The following MED12L variants were observed in gnomAD, a reference collection of about 807,000 sequenced individuals.
MED12L encodes mediator complex subunit 12L.
MED12L carries 60 observed loss-of-function variants against 281.3 expected under a neutral mutation model. The observed-to-expected ratio is 0.21, with a 90% CI of 0.17 to 0.26. The LOEUF (loss-of-function observed/expected upper bound fraction) is 0.26, where lower values mean the gene tolerates loss of function less well. MED12L is among the 10% of genes least tolerant of loss of function. MED12L has a pLI of 1.00. For missense variants in MED12L, 2,146 were observed against 2,680.9 expected (o/e 0.80, Z 4.41); for synonymous variants, 974 against 987.2 (o/e 0.99, Z 0.25).
chr3:151,194,342 CAGTA>C (rs1251717568), intron 16 of MED12L, among the ~76,000 whole-genome samples: 4 of 152,060 alleles, frequency 2.6e-5, no homozygotes, highest in African/African-American at 9.7e-5. Flanking sequence ...TACTTCTAGT[CAGTA>C]AGAGTTTTGA....
At chr3:151,422,110 A>T (rs994715607) in intron 43 of MED12L, among the ~76,000 whole-genome samples, 1 of 152,082 alleles carries the variant, frequency 6.6e-6, no homozygotes, top group Non-Finnish European at 1.5e-5. Flanking sequence ...ACCCTGCCAG[A>T]TGTTATAGAG....
At chr3:151,162,303 G>A (rs1195838889) in intron 8 of MED12L, among the ~76,000 whole-genome samples, 8 of 152,202 alleles carry the variant, frequency 5.3e-5, no homozygotes, top group Non-Finnish European at 1.0e-4. Flanking sequence ...AGTGGAAAGA[G>A]ATGGATTGGT....
intron 16 of MED12L, among the ~76,000 whole-genome samples, chr3:151,228,853 A>G (rs1313157778): frequency 1.3e-5 from 2 of 152,126 alleles, no homozygotes; most frequent in East Asian, 3.8e-4. Flanking sequence ...CTTCTGCAGC[A>G]TTGTTTTGGA....
At chr3:151,153,108 G>C (rs1222256824) in intron 5 of MED12L, among the ~76,000 whole-genome samples, 1 of 152,182 alleles carries the variant, frequency 6.6e-6, no homozygotes, top group Non-Finnish European at 1.5e-5. Flanking sequence ...AGCACTCAGT[G>C]TACTACTGTT....
At chr3:151,307,030 A>G (rs1331650237) in intron 16 of MED12L, among the ~76,000 whole-genome samples, 1 of 152,218 alleles carries the variant, frequency 6.6e-6, no homozygotes, top group Non-Finnish European at 1.5e-5. Flanking sequence ...CTGATTGATT[A>G]TATAGAGATA....
chr3:151,423,507 C>T (rs988741047), intron 43 of MED12L, among the ~76,000 whole-genome samples: 2 of 152,116 alleles, frequency 1.3e-5, no homozygotes, highest in African/African-American at 2.4e-5. Flanking sequence ...ATATCAATGC[C>T]TGTGTTGCCA....
At chr3:151,382,426 A>G (rs1336767206) in intron 32 of MED12L, among the ~76,000 whole-genome samples, 1 of 152,204 alleles carries the variant, frequency 6.6e-6, no homozygotes, top group African/African-American at 2.4e-5. Flanking sequence ...ATCATAGGCT[A>G]GCTATATAAT....
intron 16 of MED12L, among the ~76,000 whole-genome samples, chr3:151,274,019 T>A (rs1243612022): frequency 6.6e-6 from 1 of 152,180 alleles, no homozygotes; most frequent in Non-Finnish European, 1.5e-5. Flanking sequence ...ATTTTAAAGT[T>A]CTCACACTAC....
At position 151,368,197 on chromosome 3, in the gene MED12L, C is replaced by G; in HGVS notation, c.3496C>G (p.Leu1166Val). The change falls in exon 25 of 45, where the codon CTC becomes GTC. Residue 1166 changes from leucine (L) to valine (V), a missense_variant. Around this residue, in one of 9 missense-constraint regions of MED12L, gnomAD observed 404 missense variants for 603.5 expected, o/e 0.67. Transcript: ENST00000687756. ...AEPGARMTCR[L>V]LLHLFRAPQA... Reference sequence around the variant, plus strand: ...GCCTGGGGCGAGAATGACATGCCGACTCTTGCTTCATCTCTTCCGAGCTCC... The same window carrying G: ...GCCTGGGGCGAGAATGACATGCCGAGTCTTGCTTCATCTCTTCCGAGCTCC... 1 of 1,614,124 alleles carries G rather than the reference C, an allele frequency of 6.2e-7. No homozygotes were observed. The highest frequency in any genetic ancestry group is 8.5e-7 in the Non-Finnish European group (1 of 1,179,996).
chr3:151,291,760 G>A (rs926612805), intron 16 of MED12L, among the ~76,000 whole-genome samples: 12 of 152,234 alleles, frequency 7.9e-5, no homozygotes, highest in Non-Finnish European at 1.6e-4. Flanking sequence ...TCATGTAAAT[G>A]ATTCATTTTT....
At chr3:151,250,469 GTTC>G (rs1232636375) in intron 16 of MED12L, among the ~76,000 whole-genome samples, 2 of 152,088 alleles carry the variant, frequency 1.3e-5, no homozygotes, top group East Asian at 3.9e-4. Context: ...GGTAACTACT[GTTC>G]TTCTCTACGA....
chr3:151,409,369 TC>T (rs1344458424), intron 40 of MED12L, 37 bp downstream of exon 40: 2 of 1,588,600 alleles, frequency 1.3e-6, no homozygotes, highest in Admixed American at 1.7e-5. Context: ...GACAGGATTT[TC>T]AAAGCTCTTT....
intron 16 of MED12L, among the ~76,000 whole-genome samples, chr3:151,283,670 A>G (rs1472557022): frequency 6.6e-6 from 1 of 152,252 alleles, no homozygotes; most frequent in African/African-American, 2.4e-5. Flanking sequence ...ACCATAGTAC[A>G]TACTCAGAAG....
Position 151,294,578 on chromosome 3 carries a change from A to G in MED12L, c.2251-55481A>G, listed in dbSNP as rs775619463. 6.8e-6 allele frequency: 11 copies of G among 1,614,076 alleles called. No homozygotes were observed. In the South Asian group the frequency reaches 9.9e-5, roughly 14 times the overall value. Reference sequence around the variant, plus strand: ...CCTGGATATGGCTATGTAACATCCGATCAGAATCACCAGCACGGCCACAAA... The same window carrying G: ...CCTGGATATGGCTATGTAACATCCGGTCAGAATCACCAGCACGGCCACAAA... On this transcript the variant is annotated intron_variant, in intron 16 of 44. Transcript: ENST00000687756.
chr3:151,122,704 TAAAG>T (rs1403874547), intron 3 of MED12L, 75 bp from the exon 4 acceptor site: 2 of 980,964 alleles, frequency 2.0e-6, no homozygotes, highest in Admixed American at 7.0e-5. Context: ...ATTGAAACAA[TAAAG>T]AAAAATACTA....
chr3:151,093,037 C>A (rs1318373979), intron 2 of MED12L, among the ~76,000 whole-genome samples: 2 of 152,174 alleles, frequency 1.3e-5, no homozygotes, highest in Non-Finnish European at 2.9e-5. Context: ...GTGAAAGATG[C>A]TTGTTAAAAA....
In MED12L at chr3:151,357,400, T is replaced by C. The variant is rs1434030664; in HGVS notation, c.2825+24T>C. The C allele has an allele frequency of 5.8e-6, 9 of 1,541,192 alleles. No homozygotes were observed. The African/African-American group carries it at 1.2e-4, about 21-fold the overall frequency. ...GGGTTGGTATATAGCATGTCATTGTTGTTTTTCCAATCTCAGAATGTATAA... is the reference window on the plus strand; with the variant it reads ...GGGTTGGTATATAGCATGTCATTGTCGTTTTTCCAATCTCAGAATGTATAA... On this transcript the variant is annotated intron_variant, in intron 20 of 44. Coordinates refer to ENST00000687756, the MANE Select transcript of MED12L (RefSeq NM_001393769.1).
At chr3:151,416,630 G>A (rs1717587736) in intron 43 of MED12L, among the ~76,000 whole-genome samples, 1 of 152,116 alleles carries the variant, frequency 6.6e-6, no homozygotes, top group South Asian at 2.1e-4. Context: ...GATTCAGTAG[G>A]TTATACCATT....
chr3:151,416,285 T>G, intron 42 of MED12L, 27 bp from the exon 43 acceptor site: 1 of 1,612,552 alleles, frequency 6.2e-7, no homozygotes. Flanking sequence ...TCCTTTTAAG[T>G]GTATAACATT....
Sources: allele counts gnomAD v4.1 joint callset (sites outside exome capture counted in the v4.1 genomes callset), GRCh38; gene constraint gnomAD v4.1.1; regional missense constraint gnomAD v4.1.1; transcripts MANE v1.5; gene names NCBI Gene and HGNC (gene_info 2026-07-23, HGNC 2026-07-21).